Variants in AMBRA1 observed in about 807,000 individuals in gnomAD.
The protein encoded by AMBRA1 is autophagy and beclin 1 regulator 1, also known as activating molecule in BECN1-regulated autophagy protein 1.
In AMBRA1, 47 loss-of-function variants were observed where a neutral mutation model predicts 125.4. The ratio of observed to expected loss-of-function variants is 0.37; its 90% confidence interval spans 0.30 to 0.48. The LOEUF is 0.48. Ranked by LOEUF, AMBRA1 falls within the 20% of genes least tolerant of loss-of-function variation. The probability of loss-of-function intolerance (pLI) is 0.99; values close to 1 mark genes in which losing one functional copy is unlikely to be tolerated. For synonymous variants in AMBRA1, 626 were observed against 655.5 expected (o/e 0.95, Z 0.69); for missense variants, 1,331 against 1,693.4 (o/e 0.79, Z 3.76).
At chr11:46,400,126 G>T (rs1445962201) in intron 17 of AMBRA1, among the ~76,000 whole-genome samples, 1 of 152,116 alleles carries the variant, frequency 6.6e-6, no homozygotes, top group African/African-American at 2.4e-5. Flanking sequence ...TCTTGGTAGG[G>T]TGAGAACCAG....
intron 7 of AMBRA1, among the ~76,000 whole-genome samples, chr11:46,531,012 T>G (rs1053624924): frequency 1.3e-5 from 2 of 152,130 alleles, no homozygotes; most frequent in African/African-American, 4.8e-5. Context: ...GCCTCCCAAG[T>G]AGTTGGGAAA....
intron 1 of AMBRA1, among the ~76,000 whole-genome samples, chr11:46,581,027 C>A (rs1317909309): frequency 2.0e-5 from 3 of 152,044 alleles, no homozygotes; most frequent in Non-Finnish European, 4.4e-5. Context: ...CTCCTGAGCT[C>A]AAGCAATCCA....
chr11:46,569,915 C>G (rs1179543035), intron 1 of AMBRA1, among the ~76,000 whole-genome samples: 1 of 151,888 alleles, frequency 6.6e-6, no homozygotes, highest in South Asian at 2.1e-4. Context: ...GAGCCAAGAT[C>G]GCACCACTGC....
chr11:46,426,227 T>C (rs953255607), intron 14 of AMBRA1, among the ~76,000 whole-genome samples: 1 of 152,156 alleles, frequency 6.6e-6, no homozygotes, highest in African/African-American at 2.4e-5. Flanking sequence ...TGCGTGGACA[T>C]GCAGAGAAAC....
intron 14 of AMBRA1, among the ~76,000 whole-genome samples, chr11:46,419,408 A>T (rs1346932188): frequency 8.9e-6 from 1 of 112,402 alleles, no homozygotes; most frequent in Admixed American, 8.2e-5. Context: ...CAATATCTCT[A>T]GATCTCAACT....
chr11:46,441,759 C>G (rs1291066092), intron 12 of AMBRA1, among the ~76,000 whole-genome samples: 1 of 151,970 alleles, frequency 6.6e-6, no homozygotes, highest in Non-Finnish European at 1.5e-5. Flanking sequence ...GCAGAACTGT[C>G]AAGGATTTGG....
intron 11 of AMBRA1, among the ~76,000 whole-genome samples, chr11:46,489,320 A>G (rs1413439886): frequency 1.3e-5 from 2 of 150,944 alleles, no homozygotes; most frequent in African/African-American, 2.4e-5. Flanking sequence ...AATTTTTTGT[A>G]TTTTTAGTAG....
chr11:46,536,692 C>G (rs917249469), intron 7 of AMBRA1, among the ~76,000 whole-genome samples: 1 of 152,186 alleles, frequency 6.6e-6, no homozygotes, highest in Non-Finnish European at 1.5e-5. Context: ...GGAGAATCCC[C>G]AAGTGACTGG....
chr11:46,480,333 G>C (rs1950010750), intron 11 of AMBRA1, among the ~76,000 whole-genome samples: 2 of 152,086 alleles, frequency 1.3e-5, no homozygotes, highest in South Asian at 4.1e-4. Context: ...TCCACATCCA[G>C]CCAAGCTATT....
intron 14 of AMBRA1, among the ~76,000 whole-genome samples, chr11:46,422,415 G>A (rs868655086): frequency 6.6e-6 from 1 of 152,152 alleles, no homozygotes; most frequent in South Asian, 2.1e-4. Flanking sequence ...TTCTAAGAGA[G>A]TAGAAGACAA....
chr11:46,502,519 A>C (rs965229479), intron 9 of AMBRA1, among the ~76,000 whole-genome samples: 1 of 152,132 alleles, frequency 6.6e-6, no homozygotes, highest in Admixed American at 6.5e-5. Flanking sequence ...CTTGGGTACA[A>C]GTTATATATT....
intron 11 of AMBRA1, among the ~76,000 whole-genome samples, chr11:46,457,386 T>C (rs2136819065): frequency 6.6e-6 from 1 of 152,234 alleles, no homozygotes; most frequent in East Asian, 1.9e-4. Flanking sequence ...AATACAACAC[T>C]CAGTCCAACT....
intron 4 of AMBRA1, 35 bp from the exon 5 acceptor site, chr11:46,545,811 A>C (rs769230335): frequency 1.9e-6 from 3 of 1,606,320 alleles, no homozygotes; most frequent in Non-Finnish European, 2.6e-6. Flanking sequence ...TTCTCAGGTT[A>C]CAAGCTACCA....
intron 17 of AMBRA1, among the ~76,000 whole-genome samples, chr11:46,405,887 A>G (rs1172974888): frequency 6.6e-6 from 1 of 151,516 alleles, no homozygotes; most frequent in African/African-American, 2.4e-5. Flanking sequence ...GCGTGCCACC[A>G]TGCTCGGCTA....
chr11:46,442,419 A>G (rs987013885), intron 12 of AMBRA1, among the ~76,000 whole-genome samples: 3 of 152,062 alleles, frequency 2.0e-5, no homozygotes, highest in Non-Finnish European at 4.4e-5. Context: ...CTGAGATTAC[A>G]GGTGTGAGCT....
intron 11 of AMBRA1, among the ~76,000 whole-genome samples, chr11:46,444,969 C>T (rs1948205301): frequency 6.6e-6 from 1 of 150,800 alleles, no homozygotes; most frequent in African/African-American, 2.4e-5. Context: ...AATAACAGTT[C>T]ATTTCCAAAA....
intron 9 of AMBRA1, among the ~76,000 whole-genome samples, chr11:46,497,858 A>C (rs989199511): frequency 2.7e-4 from 41 of 152,234 alleles, no homozygotes; most frequent in Admixed American, 1.2e-3. Flanking sequence ...TAGTTTAGAA[A>C]GAGGGGAAGA....
chr11:46,431,376 C>T (rs1431628257), intron 14 of AMBRA1, among the ~76,000 whole-genome samples: 1 of 152,230 alleles, frequency 6.6e-6, no homozygotes, highest in Non-Finnish European at 1.5e-5. Flanking sequence ...GGCAGGACAG[C>T]CAGGGGCTGA....
At chr11:46,576,182 T>C (rs951907468) in intron 1 of AMBRA1, among the ~76,000 whole-genome samples, 2 of 152,194 alleles carry the variant, frequency 1.3e-5, no homozygotes, top group African/African-American at 2.4e-5. Context: ...CAAAAAGATT[T>C]AGAATACTAA....
Sources: allele counts gnomAD v4.1 joint callset (sites outside exome capture counted in the v4.1 genomes callset), GRCh38; gene constraint gnomAD v4.1.1; transcripts MANE v1.5; gene names NCBI Gene and HGNC (gene_info 2026-07-23, HGNC 2026-07-21).